The following TPSG1 variants were observed in gnomAD, a reference collection of about 807,000 sequenced individuals.
TPSG1 encodes tryptase gamma.
TPSG1 carries 43 observed loss-of-function variants against 23.8 expected under a neutral mutation model. That is an observed-to-expected ratio of 1.81 (90% confidence interval 1.42 to 2.33). The LOEUF is 2.33. Ranked by LOEUF, TPSG1 falls within the 30% of genes most tolerant of loss-of-function variation. TPSG1 has a pLI of 0.00. For missense variants in TPSG1, 623 were observed against 438.6 expected (o/e 1.42, Z -3.75); for synonymous variants, 302 against 201.3 (o/e 1.50, Z -4.23).
chr16:1,224,642 G>C lies in TPSG1; in HGVS notation c.47-14C>G. ...TGAGGGACACACCTGTGGGAAAGAC[G>C]AAGGGCCCAGGATGGAGGGGGCTGC... On this transcript the variant is annotated splice_polypyrimidine_tract_variant and intron_variant, in intron 1 of 5. Transcript: ENST00000234798. The C allele has an allele frequency of 3.1e-6, 5 of 1,613,692 alleles. No homozygotes were observed. The highest frequency in any genetic ancestry group is 4.2e-6 in the Non-Finnish European group (5 of 1,179,830).
rs879481808 is a variant in TPSG1 at position 1,223,333 on chromosome 16, T to G, written c.245+90A>C. ...GGCTCAGAGTTCCCAAGCCTCGGAG[T>G]GAGTCAAGACCAAGTGGAGGCCTCT... On this transcript the variant is annotated intron_variant, in intron 3 of 5. Coordinates refer to ENST00000234798, the MANE Select transcript of TPSG1 (RefSeq NM_012467.4). 6 of 1,407,722 alleles carry G rather than the reference T, an allele frequency of 4.3e-6. No individual in the cohort carries two copies. In the East Asian group the frequency reaches 1.6e-4, roughly 37 times the overall value. The allele number at this position is 1,407,722 out of a possible 1,614,324, so 87.2% of individuals were successfully genotyped here. A position where few individuals can be genotyped will look rare whatever the true frequency, so the allele number is the denominator to read the frequency against.
chr16:1,224,882 G>GGTCC, intron 1 of TPSG1: 1 of 600,564 alleles, frequency 1.7e-6, no homozygotes, highest in South Asian at 2.0e-5. Context: ...CCGCCCTCCA[G>GGTCC]GTCCTGCTCA....
At position 1,222,056 on chromosome 16, in the gene TPSG1, G is replaced by C; in HGVS notation, c.698C>G (p.Ala233Gly). The change falls in exon 6 of 6, where the codon GCC becomes GGC. Residue 233 changes from alanine to glycine, a missense_variant. Physicochemically the swap from Ala to Gly is moderately conservative, Grantham distance 60. Transcript: ENST00000234798. ...GCTCACAGTGCCAGCCTGCACCCAG[G>C]CACCGTTCACCTGGCAGACCAGAGG... ...GGPLVCQVNG[A>G]WVQAGTVSWG... is the part of the protein sequence containing the mutation. 1 of 1,612,778 alleles carries C rather than the reference G, an allele frequency of 6.2e-7. No homozygotes were observed. The highest frequency in any genetic ancestry group is 1.7e-5 in the Admixed American group (1 of 60,014).
intron 3 of TPSG1, 138 bp from the exon 4 acceptor site, chr16:1,223,055 C>T (rs2029909008): frequency 2.6e-6 from 3 of 1,158,520 alleles, no homozygotes; most frequent in Non-Finnish European, 3.5e-6. Context: ...AAAGCCTGGG[C>T]AGTGGCCTCA....
In TPSG1 at chr16:1,223,559, G is replaced by A. The variant is rs374348998; in HGVS notation, c.109C>T (p.Arg37Trp). 9.4e-5 allele frequency: 145 copies of A among 1,545,048 alleles called. No individual in the cohort carries two copies. The highest frequency in any genetic ancestry group is 1.5e-4 in the East Asian group (6 of 40,910). Reference protein sequence around the residue: ...GRPQVSDAGGRIVGGHAAPAG... With the variant: ...GRPQVSDAGGWIVGGHAAPAG... The stretch of plus-strand genomic sequence containing the variant: ...GGGGCAGCGTGACCCCCCACGATCC[G>A]GCCGCCTGCATCCGAAACCTGCGGC... The change falls in exon 3 of 6, where the codon CGG (arginine) becomes TGG (tryptophan). Residue 37 changes from arginine to tryptophan, a missense_variant. By Grantham distance (101) the Arg-to-Trp change is moderately radical. Coordinates refer to ENST00000234798, the MANE Select transcript of TPSG1 (RefSeq NM_012467.4).
At chr16:1,223,736 G>T in intron 2 of TPSG1, 142 bp from the exon 3 acceptor site, 1 of 1,009,148 alleles carries the variant, frequency 9.9e-7, no homozygotes, top group Non-Finnish European at 1.4e-6. Context: ...ACTCTCCCCA[G>T]AAGCATCGTG....
At chr16:1,223,790 G>A (rs1044836784) in intron 2 of TPSG1, 196 bp from the exon 3 acceptor site, 4 of 616,634 alleles carry the variant, frequency 6.5e-6, no homozygotes, top group Admixed American at 3.6e-5. Flanking sequence ...GCGCGCCTGG[G>A]GCTCAGGTCG....
At chr16:1,223,292 C>T in intron 3 of TPSG1, 131 bp downstream of exon 3, 4 of 1,228,692 alleles carry the variant, frequency 3.3e-6, no homozygotes, top group Non-Finnish European at 4.4e-6. Context: ...TCCTCCCTTT[C>T]CATTGGAAGG....
At chr16:1,223,354 C>T (rs928269891) in intron 3 of TPSG1, 69 bp downstream of exon 3, 2 of 1,474,652 alleles carry the variant, frequency 1.4e-6, no homozygotes, top group Non-Finnish European at 1.8e-6. Context: ...CAAGTGGAGG[C>T]CTCTGCGCTG....
In TPSG1 at chr16:1,223,515, C is replaced by G; in HGVS notation, c.153G>C (p.Trp51Cys). The G allele has an allele frequency of 1.3e-6, 2 of 1,560,248 alleles. No individual in the cohort carries two copies. Among genetic ancestry groups the G allele is most frequent in the African/African-American group, 1.4e-5 (1 of 73,974 alleles). The change falls in exon 3 of 6, where the codon TGG (tryptophan) becomes TGC (cysteine). Residue 51 changes from tryptophan (W) to cysteine (C), a missense_variant. Physicochemically the swap from Trp to Cys is radical, Grantham distance 215 (BLOSUM62 -2). Coordinates refer to ENST00000234798, the MANE Select transcript of TPSG1 (RefSeq NM_012467.4). ...CCCTCCGCAGGCGGAGGCTGGCCTG[C>G]CATGGCCATGCGCCGGCCGGGGCAG... ...GHAAPAGAWP[W>C]QASLRLRRVH...
chr16:1,223,048 G>T (rs1343571302), intron 3 of TPSG1, 131 bp from the exon 4 acceptor site: 17 of 1,225,762 alleles, frequency 1.4e-5, no homozygotes, highest in Non-Finnish European at 1.8e-5. Context: ...GACGCAGAAA[G>T]CCTGGGCAGT....
In TPSG1 at chr16:1,223,498, A is replaced by G. The variant is rs773305026; in HGVS notation, c.170T>C (p.Leu57Pro). ...GAWPWQASLR[L>P]RRVHVCGGSL... ...CCCGCCGCACACGTGCACCCTCCGCAGGCGGAGGCTGGCCTGCCATGGCCA... is the reference window on the plus strand; with the variant it reads ...CCCGCCGCACACGTGCACCCTCCGCGGGCGGAGGCTGGCCTGCCATGGCCA... The change falls in exon 3 of 6, where the codon CTG becomes CCG. Residue 57 changes from leucine (L) to proline (P), a missense_variant. Coordinates refer to ENST00000234798, the MANE Select transcript of TPSG1 (RefSeq NM_012467.4). 1.3e-6 allele frequency: 2 copies of G among 1,572,962 alleles called. No homozygotes were observed. Among genetic ancestry groups the G allele is most frequent in the Non-Finnish European group, 1.7e-6 (2 of 1,161,974 alleles).
Position 1,223,473 on chromosome 16 carries a change from C to T in TPSG1, c.195G>A (p.Gly65=), listed in dbSNP as rs371541916. Residue 65 remains glycine, a synonymous_variant, in exon 3 of 6, where the codon GGG becomes GGA. Transcript: ENST00000234798. Reference sequence around the variant, plus strand: ...GCACCCACTGGGGGCTGAGCAGTGACCCGCCGCACACGTGCACCCTCCGCA... The same window carrying T: ...GCACCCACTGGGGGCTGAGCAGTGATCCGCCGCACACGTGCACCCTCCGCA... ...LRLRRVHVCG[G]SLLSPQWVLT... 4.4e-6 allele frequency: 7 copies of T among 1,586,810 alleles called. No homozygotes were observed. The highest frequency in any genetic ancestry group is 4.0e-5 in the African/African-American group (3 of 74,750).
In TPSG1 at chr16:1,222,707, G is replaced by A. The variant is rs752280192; in HGVS notation, c.456C>T (p.Asp152=). ...CCCAGCACCGGATCCCAGGGCAGAA[G>A]TCATCTGAGGCCTCCGGGAGGCAGA... ...LPVCLPEASD[D]FCPGIRCWVT... Residue 152 remains aspartate (D), a synonymous_variant, in exon 4 of 6, where the codon GAC becomes GAT. Transcript: ENST00000234798. 4 of 1,604,176 alleles carry A rather than the reference G, an allele frequency of 2.5e-6. No individual in the cohort carries two copies. The highest frequency in any genetic ancestry group is 3.3e-5 in the Admixed American group (2 of 59,786).
chr16:1,225,188 C>G lies in TPSG1; in HGVS notation c.46+19G>C, dbSNP rs758616610. ...AAGCAGATGCCCCCCCATCCCCACA[C>G]CCAGGCCAGGTCACCCACCGGGCAC... On this transcript the variant is annotated intron_variant, in intron 1 of 5. Coordinates refer to ENST00000234798, the MANE Select transcript of TPSG1 (RefSeq NM_012467.4). 1 of 1,568,082 alleles carries G rather than the reference C, an allele frequency of 6.4e-7. No individual in the cohort carries two copies. The highest frequency in any genetic ancestry group is 1.9e-5 in the Admixed American group (1 of 53,436).
chr16:1,223,093 C>T (rs1322646299), intron 3 of TPSG1, among the ~76,000 whole-genome samples, 176 bp from the exon 4 acceptor site: 1 of 152,224 alleles, frequency 6.6e-6, no homozygotes, highest in Non-Finnish European at 1.5e-5. Context: ...ACCACGGCAG[C>T]ACCTTGGGGT....
chr16:1,223,307 A>C, intron 3 of TPSG1, 116 bp downstream of exon 3: 1 of 1,295,462 alleles, frequency 7.7e-7, no homozygotes, highest in Non-Finnish European at 1.0e-6. Flanking sequence ...GGAAGGAAGT[A>C]GGCTCAGAGT....
At chr16:1,224,520 A>T in intron 2 of TPSG1, 82 bp downstream of exon 2, 2 of 1,571,640 alleles carry the variant, frequency 1.3e-6, no homozygotes, top group South Asian at 2.3e-5. Flanking sequence ...TTGGGACCCC[A>T]GGGAAGGAGA....
chr16:1,223,067 C>CGTGA, intron 3 of TPSG1, 150 bp from the exon 4 acceptor site: 3 of 1,064,624 alleles, frequency 2.8e-6, no homozygotes, highest in Non-Finnish European at 3.9e-6. Context: ...GTGGCCTCAC[C>CGTGA]CTGCAGGGCC....
Sources: gnomAD v4.1 joint callset for allele counts (sites outside exome capture counted in the v4.1 genomes callset) on GRCh38, gnomAD v4.1.1 for gene constraint, MANE v1.5 for transcripts, NCBI Gene and HGNC (gene_info 2026-07-23, HGNC 2026-07-21) for gene names.